Variants in LAMA2 observed in about 807,000 individuals in gnomAD.
The protein encoded by LAMA2 is laminin subunit alpha-2.
LAMA2 carries 269 observed loss-of-function variants against 364.8 expected under a neutral mutation model. The observed-to-expected ratio is 0.74, with a 90% CI of 0.67 to 0.82. The LOEUF (loss-of-function observed/expected upper bound fraction) is 0.82, where lower values mean the gene tolerates loss of function less well. Ranked by LOEUF, LAMA2 falls within the 40% of genes least tolerant of loss-of-function variation. The probability of loss-of-function intolerance (pLI) is 0.00; values close to 1 mark genes in which losing one functional copy is unlikely to be tolerated. For synonymous variants in LAMA2, 1,379 were observed against 1,370.6 expected, an observed-to-expected ratio of 1.01 and a Z score of -0.14; for missense variants, 3,807 against 3,873.2, an observed-to-expected ratio of 0.98 and a Z score of 0.45.
At chr6:128,888,346 A>T (rs951269518) in intron 1 of LAMA2, among the ~76,000 whole-genome samples, 5 of 152,220 alleles carry the variant, frequency 3.3e-5, no homozygotes, top group Admixed American at 2.0e-4. Context: ...GAAGATAAAA[A>T]AATTCCTGCT....
intron 59 of LAMA2, 61 bp from the exon 60 acceptor site, chr6:129,503,030 C>G (rs1462750558): frequency 1.4e-6 from 2 of 1,460,080 alleles, no homozygotes; most frequent in Non-Finnish European, 1.9e-6. Context: ...TGATACCGCT[C>G]TATTTTAGCA....
At chr6:128,941,832 C>T (rs1292004358) in intron 1 of LAMA2, among the ~76,000 whole-genome samples, 2 of 152,102 alleles carry the variant, frequency 1.3e-5, no homozygotes, top group African/African-American at 4.8e-5. Flanking sequence ...TTTTCAAATG[C>T]ACCGTGCAGT....
chr6:129,133,712 G>A (rs1460582874), intron 4 of LAMA2, among the ~76,000 whole-genome samples: 2 of 152,168 alleles, frequency 1.3e-5, no homozygotes, highest in African/African-American at 4.8e-5. Context: ...CTGACATCTT[G>A]AGTTTTAAGC....
At chr6:129,460,779 G>T (rs948944411) in intron 49 of LAMA2, among the ~76,000 whole-genome samples, 4 of 151,706 alleles carry the variant, frequency 2.6e-5, no homozygotes, top group African/African-American at 9.7e-5. Flanking sequence ...CCCAGCCTAG[G>T]TTTTATCTCT....
chr6:129,396,504 T>C (rs983633473), intron 37 of LAMA2, among the ~76,000 whole-genome samples: 1 of 152,096 alleles, frequency 6.6e-6, no homozygotes, highest in Admixed American at 6.5e-5. Context: ...CGTAAAAATC[T>C]GTAGCAGAGA....
rs1287206224 is a variant in LAMA2 at position 128,913,240 on chromosome 6, T to C, written c.112+29883T>C. Among the ~76,000 whole-genome samples, 3 of 152,208 alleles carry C rather than the reference T, an allele frequency of 2.0e-5. 1 individual carries two copies. The highest frequency in any genetic ancestry group is 4.4e-5 in the Non-Finnish European group (3 of 68,036). Reference sequence around the variant, plus strand: ...TCATTAGCGCATTGACAATTCTAAGTAGCTGGAGACCTTTTAAACTTTCAA... The same window carrying C: ...TCATTAGCGCATTGACAATTCTAAGCAGCTGGAGACCTTTTAAACTTTCAA... On this transcript the variant is annotated intron_variant, in intron 1 of 64. Transcript: ENST00000421865.
At chr6:129,023,687 C>T (rs3935350) in intron 1 of LAMA2, among the ~76,000 whole-genome samples, 93,656 of 151,966 alleles carry the variant, frequency 0.62, 30,864 homozygotes, top group East Asian at 0.96. Context: ...AGTACCTTTC[C>T]GCCATGTTTC....
At chr6:129,145,797 A>G (rs1160623092) in intron 5 of LAMA2, among the ~76,000 whole-genome samples, 2 of 151,968 alleles carry the variant, frequency 1.3e-5, no homozygotes, top group East Asian at 3.9e-4. Context: ...GCTCTTCTTC[A>G]TGACTCAAAA....
intron 35 of LAMA2, 103 bp downstream of exon 35, chr6:129,383,336 A>G: frequency 1.1e-6 from 1 of 922,482 alleles, no homozygotes; most frequent in African/African-American, 1.6e-5. Flanking sequence ...TGACATCTGT[A>G]AAATCAAAGG....
intron 4 of LAMA2, among the ~76,000 whole-genome samples, chr6:129,139,985 A>T (rs1237402386): frequency 6.6e-6 from 1 of 152,146 alleles, no homozygotes; most frequent in Non-Finnish European, 1.5e-5. Flanking sequence ...TCTGATACTT[A>T]TTCATGATCT....
At chr6:129,392,288 A>G (rs1421335955) in intron 36 of LAMA2, among the ~76,000 whole-genome samples, 1 of 152,202 alleles carries the variant, frequency 6.6e-6, no homozygotes, top group East Asian at 1.9e-4. Flanking sequence ...AAGTGGTAGT[A>G]TTACTAATAC....
At chr6:129,255,978 A>T (rs776845574) in intron 14 of LAMA2, among the ~76,000 whole-genome samples, 1 of 152,162 alleles carries the variant, frequency 6.6e-6, no homozygotes, top group Non-Finnish European at 1.5e-5. Context: ...ATGCTATTCC[A>T]TAAGTGTTGG....
chr6:128,993,179 A>G (rs1783712975), intron 1 of LAMA2, among the ~76,000 whole-genome samples: 1 of 152,220 alleles, frequency 6.6e-6, no homozygotes, highest in Non-Finnish European at 1.5e-5. Flanking sequence ...AATCACGCCA[A>G]AAAACATTCT....
chr6:129,085,365 A>G (rs2114846895), intron 3 of LAMA2, among the ~76,000 whole-genome samples: 1 of 152,350 alleles, frequency 6.6e-6, no homozygotes, highest in Admixed American at 6.5e-5. Flanking sequence ...TTTGGGGACA[A>G]CTATAACCAT....
chr6:129,075,036 G>A (rs970070154), intron 3 of LAMA2, among the ~76,000 whole-genome samples: 1 of 151,884 alleles, frequency 6.6e-6, no homozygotes, highest in Non-Finnish European at 1.5e-5. Flanking sequence ...TGCATTCCAG[G>A]GTTTTCAAGT....
chr6:128,948,855 G>A (rs1031278178), intron 1 of LAMA2, among the ~76,000 whole-genome samples: 3 of 152,048 alleles, frequency 2.0e-5, no homozygotes, highest in Non-Finnish European at 2.9e-5. Flanking sequence ...GCTTCCTGAG[G>A]CCCTCACCAG....
At chr6:129,266,840 CTGCTTTATTT>C (rs538470713) in intron 15 of LAMA2, among the ~76,000 whole-genome samples, 1 of 152,182 alleles carries the variant, frequency 6.6e-6, no homozygotes, top group South Asian at 2.1e-4. Flanking sequence ...CTTTATATCT[CTGCTTTATTT>C]TACCATTTCA....
Position 129,042,122 on chromosome 6 carries a change from T to C in LAMA2, c.113-7796T>C, listed in dbSNP as rs1002010388. Among the ~76,000 whole-genome samples the C allele has an allele frequency of 4.4e-4, 67 of 151,842 alleles. 1 individual carries two copies. The highest frequency in any genetic ancestry group is 1.3e-3 in the African/African-American group (54 of 41,302). On this transcript the variant is annotated intron_variant, in intron 1 of 64. Coordinates refer to ENST00000421865, the MANE Select transcript of LAMA2 (RefSeq NM_000426.4). ...GAGTTCAAAACCAGCCTGGCTGATA[T>C]GGCAAAACCCCGTCTCTACTAAAAA...
chr6:129,146,503 T>C (rs749399110), intron 5 of LAMA2, among the ~76,000 whole-genome samples: 2 of 152,072 alleles, frequency 1.3e-5, no homozygotes, highest in Admixed American at 1.3e-4. Context: ...ATGAGCACAA[T>C]TTCTACCCAG....
Sources: gnomAD v4.1 joint callset for allele counts (sites outside exome capture counted in the v4.1 genomes callset) on GRCh38, gnomAD v4.1.1 for gene constraint, MANE v1.5 for transcripts, NCBI Gene and HGNC (gene_info 2026-07-23, HGNC 2026-07-21) for gene names.